The following NYAP2 variants were observed in gnomAD, a reference collection of about 807,000 sequenced individuals.
NYAP2 encodes the protein neuronal tyrosine-phosphorylated phosphoinositide-3-kinase adaptor 2.
Under a neutral mutation model 50.4 loss-of-function variants are expected in NYAP2, and 23 were observed. The ratio of observed to expected loss-of-function variants is 0.46; its 90% confidence interval spans 0.33 to 0.65. The LOEUF is 0.65. NYAP2 is among the 30% of genes least tolerant of loss of function. The pLI is 0.02. For missense variants in NYAP2, 885 were observed against 861.0 expected (o/e 1.03, Z -0.35); for synonymous variants, 394 against 365.2 (o/e 1.08, Z -0.90).
chr2:225,468,219 T>C (rs1250027791), intron 3 of NYAP2, among the ~76,000 whole-genome samples: 1 of 152,196 alleles, frequency 6.6e-6, no homozygotes, highest in Non-Finnish European at 1.5e-5. Flanking sequence ...GGGCCTACTC[T>C]GATATGACTG....
intron 3 of NYAP2, among the ~76,000 whole-genome samples, chr2:225,473,379 G>A (rs113145343): frequency 9.1e-4 from 138 of 152,152 alleles, no homozygotes; most frequent in Non-Finnish European, 1.6e-3. Flanking sequence ...CTCAGGAATC[G>A]CCACACTGTC....
chr2:225,620,478 C>T (rs1391160451), intron 5 of NYAP2, among the ~76,000 whole-genome samples: 7 of 149,458 alleles, frequency 4.7e-5, no homozygotes, highest in East Asian at 3.9e-4. Flanking sequence ...CACACGCACA[C>T]GCACGCACGC....
intron 6 of NYAP2, among the ~76,000 whole-genome samples, chr2:225,643,274 C>T (rs1049260790): frequency 6.6e-6 from 1 of 152,026 alleles, no homozygotes; most frequent in African/African-American, 2.4e-5. Flanking sequence ...GAAAGCATTT[C>T]CTAACTGGTG....
Position 225,582,832 on chromosome 2 carries a change from T to G in NYAP2, c.1415T>G (p.Val472Gly), listed in dbSNP as rs1305998752. 2 of 1,613,884 alleles carry G rather than the reference T, an allele frequency of 1.2e-6. No individual in the cohort carries two copies. Among genetic ancestry groups the G allele is most frequent in the South Asian group, 1.1e-5 (1 of 91,084 alleles). Reference sequence around the variant, plus strand: ...AGCCTCTCAAGGAGCTCTCCTTCAGTGCCTCACTCGACCCCCAGACCCGTG... The same window carrying G: ...AGCCTCTCAAGGAGCTCTCCTTCAGGGCCTCACTCGACCCCCAGACCCGTG... The change falls in exon 5 of 7, where the codon GTG becomes GGG. Residue 472 changes from valine (V) to glycine (G), a missense_variant. Coordinates refer to ENST00000636099, the Ensembl canonical transcript of NYAP2. The surrounding 1 kb of genome is among the most constrained non-coding windows in gnomAD (Gnocchi z 7.0).
At chr2:225,596,170 C>T (rs866125846) in intron 5 of NYAP2, among the ~76,000 whole-genome samples, 4 of 152,056 alleles carry the variant, frequency 2.6e-5, no homozygotes, top group African/African-American at 9.7e-5. Context: ...TAGCTGGGGC[C>T]ACACTCTTGC....
intron 4 of NYAP2, among the ~76,000 whole-genome samples, chr2:225,553,005 C>A (rs1180295673): frequency 6.6e-6 from 1 of 152,148 alleles, no homozygotes; most frequent in African/African-American, 2.4e-5. Context: ...TTGTTTTTAT[C>A]AGCCACCAAG....
chr2:225,495,279 A>G (rs920607395), intron 3 of NYAP2, among the ~76,000 whole-genome samples: 6 of 152,150 alleles, frequency 3.9e-5, no homozygotes, highest in African/African-American at 1.4e-4. Context: ...TATCTATTCT[A>G]TTTGTACTTC....
At chr2:225,428,712 CA>C (rs1226177139) in intron 3 of NYAP2, among the ~76,000 whole-genome samples, 1 of 152,168 alleles carries the variant, frequency 6.6e-6, no homozygotes, top group African/African-American at 2.4e-5. Context: ...CTGGCCTTCC[CA>C]AACGTGATTC....
chr2:225,530,375 T>C (rs1026552448), intron 4 of NYAP2, among the ~76,000 whole-genome samples: 1 of 152,128 alleles, frequency 6.6e-6, no homozygotes, highest in African/African-American at 2.4e-5. Context: ...AATCCACTGC[T>C]CTCTGATGCC....
intron 6 of NYAP2, among the ~76,000 whole-genome samples, chr2:225,627,636 A>G (rs770950424): frequency 6.6e-6 from 1 of 152,238 alleles, no homozygotes; most frequent in Non-Finnish European, 1.5e-5. Flanking sequence ...GGCATTGGGA[A>G]TGGCACTAAA....
At chr2:225,421,297 A>G (rs1251013986) in intron 3 of NYAP2, among the ~76,000 whole-genome samples, 1 of 152,190 alleles carries the variant, frequency 6.6e-6, no homozygotes, top group Non-Finnish European at 1.5e-5. Flanking sequence ...AGTATACACA[A>G]TTTAAATAGT....
chr2:225,664,874 AAAAC>A, the NYAP2 span, among the ~76,000 whole-genome samples: 6 of 151,950 alleles, frequency 3.9e-5, no homozygotes, highest in African/African-American at 7.3e-5. Flanking sequence ...GTCCATCTCA[AAAAC>A]AAACAAACAA....
At chr2:225,697,717 G>C in the NYAP2 span, among the ~76,000 whole-genome samples, 1 of 151,898 alleles carries the variant, frequency 6.6e-6, no homozygotes, top group South Asian at 2.1e-4. Flanking sequence ...GCTTAAAAGT[G>C]TAAAAGATTT....
chr2:225,592,935 TAA>T (rs753465360), intron 5 of NYAP2, among the ~76,000 whole-genome samples: 22 of 152,200 alleles, frequency 1.4e-4, no homozygotes, highest in Non-Finnish European at 2.8e-4. Context: ...ATTCAGAAAT[TAA>T]GTTATACCAG....
downstream of NYAP2, among the ~76,000 whole-genome samples, chr2:225,656,403 C>T (rs890823389): frequency 6.6e-6 from 1 of 152,174 alleles, no homozygotes; most frequent in Non-Finnish European, 1.5e-5. Flanking sequence ...GATTACTTAG[C>T]AAATGCTTAT....
chr2:225,685,450 A>G, the NYAP2 span, among the ~76,000 whole-genome samples: 9 of 152,156 alleles, frequency 5.9e-5, no homozygotes, highest in African/African-American at 2.2e-4. Context: ...AAGGCCTTCT[A>G]TTTACAGAAT....
At chr2:225,553,951 C>G (rs1691726880) in intron 4 of NYAP2, among the ~76,000 whole-genome samples, 1 of 152,102 alleles carries the variant, frequency 6.6e-6, no homozygotes, top group South Asian at 2.1e-4. Context: ...ACTCGGGAAG[C>G]AGAGGTTGTA....
chr2:225,422,435 C>T (rs546943931), intron 3 of NYAP2, among the ~76,000 whole-genome samples: 1 of 152,168 alleles, frequency 6.6e-6, no homozygotes, highest in Non-Finnish European at 1.5e-5. Flanking sequence ...AGGAATTTCT[C>T]CTGACTCATG....
intron 3 of NYAP2, among the ~76,000 whole-genome samples, chr2:225,444,787 C>T (rs995749274): frequency 2.0e-5 from 3 of 152,082 alleles, no homozygotes; most frequent in African/African-American, 7.2e-5. Flanking sequence ...AACTTAGAAA[C>T]AAAAACATTT....
Sources: allele counts gnomAD v4.1 joint callset (sites outside exome capture counted in the v4.1 genomes callset), GRCh38; gene constraint gnomAD v4.1.1; non-coding constraint Gnocchi (gnomAD v3.1); transcripts MANE v1.5; gene names NCBI Gene and HGNC (gene_info 2026-07-23, HGNC 2026-07-21).